The following ZNF76 variants were observed in gnomAD, a reference collection of about 807,000 sequenced individuals.
The protein encoded by ZNF76 is zinc finger protein 523.
Under a neutral mutation model 66.9 loss-of-function variants are expected in ZNF76, and 66 were observed. That is an observed-to-expected ratio of 0.99 (90% CI 0.81 to 1.21). ZNF76 has a LOEUF of 1.21. Ranked by LOEUF, ZNF76 falls within the 50% of genes most tolerant of loss-of-function variation. The probability of loss-of-function intolerance (pLI) is 0.00; values close to 1 mark genes in which losing one functional copy is unlikely to be tolerated. For missense variants in ZNF76, 729 were observed against 760.3 expected (o/e 0.96, Z 0.48); for synonymous variants, 275 against 296.1 (o/e 0.93, Z 0.73).
intron 13 of ZNF76, 179 bp downstream of exon 13, chr6:35,294,748 G>A (rs1790939277): frequency 1.5e-6 from 1 of 661,030 alleles, no homozygotes; most frequent in African/African-American, 1.8e-5. Context: ...TCTTGGCTGA[G>A]GCAGAATGTT....
chr6:35,289,529 C>T (rs1332037790), intron 5 of ZNF76, among the ~76,000 whole-genome samples: 1 of 152,168 alleles, frequency 6.6e-6, no homozygotes, highest in East Asian at 1.9e-4. Context: ...GAAAGAAAGA[C>T]TAAGGGATAG....
chr6:35,270,997 G>A (rs1344723172), intron 1 of ZNF76, among the ~76,000 whole-genome samples: 2 of 76,268 alleles, frequency 2.6e-5, no homozygotes, highest in Non-Finnish European at 4.5e-5. Flanking sequence ...TAAATAAATG[G>A]CACTGTTTTA....
At position 35,291,612 on chromosome 6, in the gene ZNF76, C is replaced by A; in HGVS notation, c.806C>A (p.Ser269Tyr). 2.5e-6 allele frequency: 4 copies of A among 1,614,088 alleles called. No individual in the cohort carries two copies. Among genetic ancestry groups the A allele is most frequent in the Non-Finnish European group, 3.4e-6 (4 of 1,179,948 alleles). The change falls in exon 9 of 14, where the codon TCT becomes TAT. Residue 269 changes from serine to tyrosine, a missense_variant. Ser to Tyr is a moderately radical substitution (Grantham distance 144). Transcript: ENST00000373953. Reference protein sequence around the residue: ...FEGCGRSFTTSNIRKVHVRTH... With the variant: ...FEGCGRSFTTYNIRKVHVRTH... ...GGCTGTGGCCGCTCCTTCACCACATCTAACATCCGCAAGGTACATGTGCGC... is the reference window on the plus strand; with the variant it reads ...GGCTGTGGCCGCTCCTTCACCACATATAACATCCGCAAGGTACATGTGCGC...
chr6:35,291,334 C>T lies in ZNF76; in HGVS notation c.682C>T (p.Pro228Ser). 6.2e-7 allele frequency: 1 copy of T among 1,614,014 alleles called. No homozygotes were observed. Among genetic ancestry groups the T allele is most frequent in the Non-Finnish European group, 8.5e-7 (1 of 1,179,944 alleles). The change falls in exon 8 of 14, where the codon CCA becomes TCA. Residue 228 changes from proline to serine, a missense_variant. Coordinates refer to ENST00000373953, the MANE Select transcript of ZNF76 (RefSeq NM_003427.5). ...CACTGGTGAGAAACCATACAAGTGC[C>T]CAGAGGAGCTGTGCAGCAAGGCCTT... ...THTGEKPYKC[P>S]EELCSKAFKT...
intron 1 of ZNF76, among the ~76,000 whole-genome samples, chr6:35,265,752 C>T (rs1033795166): frequency 6.6e-5 from 10 of 151,556 alleles, no homozygotes; most frequent in African/African-American, 9.7e-5. Flanking sequence ...AGGAAGCCAG[C>T]CAATACGGCT....
chr6:35,283,903 T>C (rs1212612394), intron 2 of ZNF76, among the ~76,000 whole-genome samples: 3 of 152,188 alleles, frequency 2.0e-5, no homozygotes, highest in Admixed American at 6.5e-5. Context: ...TGGTTAGTTG[T>C]AGGACTGTTA....
intron 1 of ZNF76, 41 bp from the exon 2 acceptor site, chr6:35,281,015 A>G: frequency 1.2e-6 from 1 of 829,174 alleles, no homozygotes; most frequent in Non-Finnish European, 2.0e-6. Flanking sequence ...CGATAGGAGA[A>G]AGCTGGTTAA....
At chr6:35,273,552 G>A (rs1311273501) in intron 1 of ZNF76, among the ~76,000 whole-genome samples, 4 of 151,462 alleles carry the variant, frequency 2.6e-5, no homozygotes, top group South Asian at 2.1e-4. Flanking sequence ...GGAGGCCAAC[G>A]CAGGCAGATC....
At position 35,281,224 on chromosome 6, in the gene ZNF76, GGTAA is replaced by G; in HGVS notation, c.73+4_73+7del. ...AGCCTACGTCCAGCAAGCTGTCAAAGGTAAGTATTTCTGGGGACCTCAGGATCCT... is the reference window on the plus strand; with the variant it reads ...AGCCTACGTCCAGCAAGCTGTCAAAGGTATTTCTGGGGACCTCAGGATCCT... On this transcript the variant is annotated splice_donor_variant and splice_donor_region_variant and intron_variant, in intron 2 of 13. Transcript: ENST00000373953. LOFTEE classifies it high-confidence loss of function. The G allele has an allele frequency of 6.2e-7, 1 of 1,613,446 alleles. No homozygotes were observed. The highest frequency in any genetic ancestry group is 8.5e-7 in the Non-Finnish European group (1 of 1,179,952).
intron 11 of ZNF76, 121 bp downstream of exon 11, chr6:35,293,165 T>C (rs1454606290): frequency 1.6e-6 from 2 of 1,245,458 alleles, no homozygotes; most frequent in Admixed American, 5.3e-5. Flanking sequence ...TTAAGTTTTA[T>C]AGACTTCAGA....
intron 1 of ZNF76, among the ~76,000 whole-genome samples, chr6:35,266,756 A>T (rs1358488979): frequency 6.7e-6 from 1 of 149,870 alleles, no homozygotes; most frequent in Non-Finnish European, 1.5e-5. Context: ...CTGTCTCTTC[A>T]TCTGCAAAAT....
In ZNF76 at chr6:35,291,164, C is replaced by G; in HGVS notation, c.626-114C>G. 4 of 1,403,502 alleles carry G rather than the reference C, an allele frequency of 2.9e-6. No individual in the cohort carries two copies. The South Asian group carries it at 4.1e-5, about 14-fold the overall frequency. The allele number at this position is 1,403,502 out of a possible 1,614,324, so 86.9% of individuals were successfully genotyped here. A position where few individuals can be genotyped will look rare whatever the true frequency, so the allele number is the denominator to read the frequency against. On this transcript the variant is annotated intron_variant, in intron 7 of 13. Coordinates refer to ENST00000373953, the MANE Select transcript of ZNF76 (RefSeq NM_003427.5). ...GCCCAGGGCAGGGGTGGGATAGAGG[C>G]AGACATGGGCTTCTTGAGCCAAAGG...
chr6:35,269,304 T>A lies in ZNF76; in HGVS notation c.-97+9463T>A, dbSNP rs947096091. On this transcript the variant is annotated intron_variant, in intron 1 of 13. Transcript: ENST00000373953. ...TCAAAAAAAAAAAAAAAAAAAAAAA[T>A]GTATGAGGCGTACTCAGGCTCCTCT... Among the ~76,000 whole-genome samples the A allele has an allele frequency of 1.9e-3, 182 of 95,014 alleles. 1 individual carries two copies. Among genetic ancestry groups the A allele is most frequent in the Non-Finnish European group, 1.6e-3 (64 of 41,100 alleles). 62.3% of individuals were successfully genotyped at this position (95,014 alleles called of 152,430 possible).
chr6:35,267,188 C>G (rs1786278910), intron 1 of ZNF76, among the ~76,000 whole-genome samples: 1 of 152,100 alleles, frequency 6.6e-6, no homozygotes, highest in Admixed American at 6.5e-5. Context: ...GCAGTGACCT[C>G]TCCAGCTCAA....
chr6:35,291,956 T>C, intron 9 of ZNF76: 2 of 609,562 alleles, frequency 3.3e-6, no homozygotes, highest in Non-Finnish European at 5.8e-6. Context: ...TTGCCAGTCC[T>C]CTCTGGGGTC....
At chr6:35,286,491 G>T in intron 4 of ZNF76, 92 bp downstream of exon 4, 1 of 1,205,024 alleles carries the variant, frequency 8.3e-7, no homozygotes, top group Non-Finnish European at 1.2e-6. Context: ...GCACACAACT[G>T]GGGTGTAGAC....
intron 1 of ZNF76, among the ~76,000 whole-genome samples, chr6:35,276,354 G>A (rs1381903424): frequency 6.6e-6 from 1 of 152,188 alleles, no homozygotes; most frequent in East Asian, 1.9e-4. Context: ...AGTCCTAGCT[G>A]TTTTAGGACT....
At chr6:35,259,651 C>G (rs549930889), upstream of ZNF76, 7 of 151,602 alleles carry the variant, frequency 4.6e-5, no homozygotes, top group Non-Finnish European at 8.8e-5. Context: ...ATTTTCTATA[C>G]GGGTTCCGGG....
In ZNF76 at chr6:35,290,247, C is replaced by G; in HGVS notation, c.433-19C>G. On this transcript the variant is annotated intron_variant, in intron 5 of 13. Transcript: ENST00000373953. ...CACTGGGGAGAATACATATAGGGAT[C>G]TCAAGACTTTTCCCCCAGGTTCTTC... is the stretch of plus-strand genomic sequence containing the variant. The G allele has an allele frequency of 6.2e-7, 1 of 1,613,976 alleles. No homozygotes were observed. The highest frequency in any genetic ancestry group is 1.3e-5 in the African/African-American group (1 of 75,048).
Sources: gnomAD v4.1 joint callset for allele counts (sites outside exome capture counted in the v4.1 genomes callset) on GRCh38, gnomAD v4.1.1 for gene constraint, MANE v1.5 for transcripts, NCBI Gene and HGNC (gene_info 2026-07-23, HGNC 2026-07-21) for gene names.